Variants in CSMD3 observed in about 807,000 individuals in gnomAD.
CSMD3 encodes the protein CUB and sushi domain-containing protein 3.
Under a neutral mutation model 435.2 loss-of-function variants are expected in CSMD3, and 177 were observed. That is an observed-to-expected ratio of 0.41 (90% CI 0.36 to 0.46). The LOEUF (loss-of-function observed/expected upper bound fraction) is 0.46. Among genes scored for constraint, CSMD3 ranks in the 20% least tolerant of loss-of-function variants. CSMD3 has a pLI of 0.34. For missense variants in CSMD3, 4,265 were observed against 4,504.6 expected (o/e 0.95, Z 1.52); for synonymous variants, 1,656 against 1,520.5 (o/e 1.09, Z -2.07).
chr8:113,093,570 T>C lies in CSMD3; in HGVS notation c.917+5186A>G, dbSNP rs2090072056. 2.0e-5 allele frequency among the ~76,000 whole-genome samples: 3 copies of C among 152,014 alleles called. No individual in the cohort carries two copies. The South Asian group carries it at 6.2e-4, about 32-fold the overall frequency. On this transcript the variant is annotated intron_variant, in intron 5 of 70. Coordinates refer to ENST00000297405, the MANE Select transcript of CSMD3 (RefSeq NM_198123.2). ...AGAAATGATGGGTAAGCTAGTTTAA[T>C]AGTAATCGATTAGGGAGCAAAAATT...
chr8:112,754,846 A>C (rs967608238), intron 13 of CSMD3, among the ~76,000 whole-genome samples: 7 of 152,154 alleles, frequency 4.6e-5, no homozygotes, highest in Non-Finnish European at 1.0e-4. Context: ...AGCACTTCAT[A>C]TTGGAGAAAT....
At chr8:112,761,760 T>C (rs1453912132) in intron 13 of CSMD3, among the ~76,000 whole-genome samples, 2 of 152,100 alleles carry the variant, frequency 1.3e-5, no homozygotes, top group Non-Finnish European at 2.9e-5. Context: ...CAAGTTGTGC[T>C]AGTGTATTAA....
chr8:112,319,196 T>A (rs1822755247), intron 46 of CSMD3, among the ~76,000 whole-genome samples: 1 of 152,078 alleles, frequency 6.6e-6, no homozygotes, highest in Admixed American at 6.6e-5. Flanking sequence ...GCTGGCTGGA[T>A]ATAAGCAATA....
chr8:112,341,568 T>C lies in CSMD3; in HGVS notation c.6561A>G (p.Pro2187=). The C allele has an allele frequency of 6.2e-7, 1 of 1,613,378 alleles. No homozygotes were observed. Among genetic ancestry groups the C allele is most frequent in the South Asian group, 1.1e-5 (1 of 91,058 alleles). ...VIGRLSGPQI[P]SSLFSTTHET... ...CATGGGTGGTGCTGAATAAGGAAGA[T>C]GGTATTTGAGGACCACTAAGCCGGC... The change falls in exon 42 of 71, where the codon CCA becomes CCG. Residue 2187 remains proline (P), a synonymous_variant. Coordinates refer to ENST00000297405, the MANE Select transcript of CSMD3 (RefSeq NM_198123.2).
intron 13 of CSMD3, among the ~76,000 whole-genome samples, chr8:112,782,173 A>G (rs932882805): frequency 9.2e-5 from 14 of 152,140 alleles, no homozygotes; most frequent in Admixed American, 7.9e-4. Context: ...AGGAAGCTCA[A>G]TGAAATTCAA....
intron 6 of CSMD3, among the ~76,000 whole-genome samples, chr8:112,979,275 G>A (rs184028143): frequency 1.2e-3 from 177 of 151,854 alleles, no homozygotes; most frequent in Non-Finnish European, 2.2e-3. Flanking sequence ...ACTTAGATAT[G>A]TTTGATACAT....
chr8:113,407,608 G>A (rs2094538450), intron 1 of CSMD3, among the ~76,000 whole-genome samples: 1 of 151,696 alleles, frequency 6.6e-6, no homozygotes, highest in African/African-American at 2.4e-5. Context: ...GGTTAGGGGG[G>A]TTGCCCTGGT....
At chr8:112,586,338 G>T (rs1226388711) in intron 23 of CSMD3, among the ~76,000 whole-genome samples, 2 of 151,236 alleles carry the variant, frequency 1.3e-5, no homozygotes, top group African/African-American at 4.8e-5. Flanking sequence ...ACATTTAAAT[G>T]TGATTTTTGG....
chr8:112,393,016 C>T (rs1444566710), intron 35 of CSMD3, among the ~76,000 whole-genome samples: 1 of 151,840 alleles, frequency 6.6e-6, no homozygotes, highest in Non-Finnish European at 1.5e-5. Context: ...CAGGTGTGTG[C>T]CATCACACCC....
intron 17 of CSMD3, among the ~76,000 whole-genome samples, chr8:112,662,949 T>G (rs58864832): frequency 0.17 from 25,311 of 151,788 alleles, 2,373 homozygotes; most frequent in Middle Eastern, 0.32. Context: ...GGCCATCAGA[T>G]AAATGCAAAT....
At chr8:112,718,652 C>A (rs976628569) in intron 13 of CSMD3, among the ~76,000 whole-genome samples, 1 of 151,802 alleles carries the variant, frequency 6.6e-6, no homozygotes, top group African/African-American at 2.4e-5. Flanking sequence ...CTTGAATATT[C>A]CTATTTATCT....
intron 1 of CSMD3, among the ~76,000 whole-genome samples, chr8:113,410,648 A>G (rs559122479): frequency 4.9e-4 from 75 of 151,538 alleles, no homozygotes; most frequent in Non-Finnish European, 9.4e-4. Flanking sequence ...TTTTTTATAC[A>G]CCTGTAATCC....
At chr8:112,265,383 T>G (rs757144851) in intron 60 of CSMD3, 28 bp downstream of exon 60, 1 of 1,552,678 alleles carries the variant, frequency 6.4e-7, no homozygotes, top group Non-Finnish European at 8.9e-7. Flanking sequence ...GTTACCATTT[T>G]TAAATGTTGA....
At chr8:112,738,736 A>ATT (rs1209655308) in intron 13 of CSMD3, among the ~76,000 whole-genome samples, 4 of 151,736 alleles carry the variant, frequency 2.6e-5, no homozygotes, top group Non-Finnish European at 5.9e-5. Context: ...TTCTTTGCGT[A>ATT]TTTTAAGAAC....
chr8:113,343,793 C>T (rs954762656), intron 1 of CSMD3, among the ~76,000 whole-genome samples: 2 of 152,062 alleles, frequency 1.3e-5, no homozygotes, highest in Admixed American at 6.6e-5. Context: ...GCACTCAAGC[C>T]GGGTGCGGTG....
chr8:112,245,231 T>C (rs925491051), intron 64 of CSMD3, among the ~76,000 whole-genome samples: 3 of 152,080 alleles, frequency 2.0e-5, no homozygotes, highest in African/African-American at 7.2e-5. Flanking sequence ...CCACTCCTAA[T>C]TCTCTACCTT....
At chr8:113,399,574 C>T (rs1180261058) in intron 1 of CSMD3, among the ~76,000 whole-genome samples, 1 of 150,834 alleles carries the variant, frequency 6.6e-6, no homozygotes, top group African/African-American at 2.4e-5. Flanking sequence ...TGTGTCTCTA[C>T]AAAAATTTTC....
chr8:113,039,282 T>C (rs1339007760), intron 5 of CSMD3, among the ~76,000 whole-genome samples: 1 of 152,172 alleles, frequency 6.6e-6, no homozygotes, highest in Non-Finnish European at 1.5e-5. Flanking sequence ...TTTATATCTA[T>C]GGTTAGAATC....
At chr8:112,776,676 C>G (rs1156825952) in intron 13 of CSMD3, among the ~76,000 whole-genome samples, 1 of 151,704 alleles carries the variant, frequency 6.6e-6, no homozygotes, top group Non-Finnish European at 1.5e-5. Flanking sequence ...ACCAAAAATC[C>G]TATTACATAT....
Sources: gnomAD v4.1 joint callset for allele counts (sites outside exome capture counted in the v4.1 genomes callset) on GRCh38, gnomAD v4.1.1 for gene constraint, MANE v1.5 for transcripts, NCBI Gene and HGNC (gene_info 2026-07-23, HGNC 2026-07-21) for gene names.